The following BMPR1A variants were observed in gnomAD, a reference collection of about 807,000 sequenced individuals.
BMPR1A encodes bone morphogenetic protein receptor type-1A.
In BMPR1A, 7 loss-of-function variants were observed where a neutral mutation model predicts 66.0. That is an observed-to-expected ratio of 0.11 (90% CI 0.06 to 0.20). The LOEUF (loss-of-function observed/expected upper bound fraction) is 0.20. BMPR1A is among the 10% of genes least tolerant of loss of function. BMPR1A has a pLI of 1.00. For synonymous variants in BMPR1A, 200 were observed against 229.7 expected (o/e 0.87, Z 1.17); for missense variants, 408 against 669.1 (o/e 0.61, Z 4.31).
At chr10:86,815,845 A>G (rs964985645) in intron 1 of BMPR1A, among the ~76,000 whole-genome samples, 9 of 152,212 alleles carry the variant, frequency 5.9e-5, no homozygotes, top group Non-Finnish European at 1.2e-4. Context: ...AGATGGGATC[A>G]GGTGACTGAT....
intron 2 of BMPR1A, among the ~76,000 whole-genome samples, chr10:86,863,607 C>T (rs1237670944): frequency 6.6e-6 from 1 of 152,164 alleles, no homozygotes; most frequent in Non-Finnish European, 1.5e-5. Flanking sequence ...CTTTCAGTCT[C>T]CTGGCTCTGC....
intron 3 of BMPR1A, among the ~76,000 whole-genome samples, chr10:86,888,826 C>CAAA (rs11353145): frequency 4.6e-4 from 39 of 85,472 alleles, no homozygotes; most frequent in African/African-American, 1.4e-3. Flanking sequence ...GACCATGTCT[C>CAAA]AAAAAAAAAA....
intron 2 of BMPR1A, among the ~76,000 whole-genome samples, chr10:86,870,224 A>C (rs2133288157): frequency 6.6e-6 from 1 of 152,242 alleles, no homozygotes; most frequent in East Asian, 1.9e-4. Flanking sequence ...TGTGTCCTTT[A>C]AGTTTCAGAA....
At chr10:86,876,323 C>T (rs1437267658) in intron 3 of BMPR1A, among the ~76,000 whole-genome samples, 2 of 152,088 alleles carry the variant, frequency 1.3e-5, no homozygotes, top group African/African-American at 2.4e-5. Flanking sequence ...ACAACATAGG[C>T]GTAATGATAC....
At chr10:86,858,993 A>G (rs554949974) in intron 2 of BMPR1A, among the ~76,000 whole-genome samples, 14 of 152,376 alleles carry the variant, frequency 9.2e-5, no homozygotes, top group African/African-American at 3.4e-4. Context: ...GGACAAAGCT[A>G]GAGGCATCAC....
chr10:86,800,548 T>C (rs1460984317), intron 1 of BMPR1A, among the ~76,000 whole-genome samples: 2 of 152,248 alleles, frequency 1.3e-5, no homozygotes, highest in East Asian at 3.9e-4. Context: ...TCCGCCACCA[T>C]GCCCAGCTAA....
intron 2 of BMPR1A, among the ~76,000 whole-genome samples, chr10:86,849,168 C>T (rs1284038099): frequency 1.3e-5 from 2 of 152,228 alleles, no homozygotes; most frequent in African/African-American, 2.4e-5. Context: ...CCTGCCTACA[C>T]TTAATCATTC....
At chr10:86,889,350 C>T (rs1272132005) in intron 3 of BMPR1A, among the ~76,000 whole-genome samples, 1 of 152,228 alleles carries the variant, frequency 6.6e-6, no homozygotes, top group Non-Finnish European at 1.5e-5. Flanking sequence ...GGTCCCCATG[C>T]TCTCATGATT....
chr10:86,781,300 A>G (rs1030914264), intron 1 of BMPR1A, among the ~76,000 whole-genome samples: 12 of 152,070 alleles, frequency 7.9e-5, no homozygotes, highest in South Asian at 2.1e-4. Context: ...CTTTTTCCCA[A>G]TGAGTGTTTT....
chr10:86,868,779 T>G (rs1472472056), intron 2 of BMPR1A, among the ~76,000 whole-genome samples: 1 of 78,330 alleles, frequency 1.3e-5, no homozygotes, highest in Non-Finnish European at 2.4e-5. Context: ...TTTTCCTGTG[T>G]TTTTTTTTTT....
chr10:86,857,787 C>A (rs1842661987), intron 2 of BMPR1A, among the ~76,000 whole-genome samples: 1 of 149,904 alleles, frequency 6.7e-6, no homozygotes, highest in African/African-American at 2.5e-5. Context: ...AGCTGCAGTG[C>A]CTTTTAAGAC....
rs537496772 is a variant in BMPR1A at position 86,863,080 on chromosome 10, A to C, written c.-152-12787A>C. Among the ~76,000 whole-genome samples the C allele has an allele frequency of 2.6e-5, 4 of 151,986 alleles. No individual in the cohort carries two copies. The South Asian group carries it at 8.3e-4, about 32-fold the overall frequency. The stretch of plus-strand genomic sequence containing the variant: ...CTGCAACCTCTACCTCCCAGGTTCA[A>C]GCAGTTCTCCTACCTCGGCCTCAAG... On this transcript the variant is annotated intron_variant, in intron 2 of 12. Coordinates refer to ENST00000372037, the MANE Select transcript of BMPR1A (RefSeq NM_004329.3).
chr10:86,888,109 G>A (rs964936619), intron 3 of BMPR1A, among the ~76,000 whole-genome samples: 2 of 151,698 alleles, frequency 1.3e-5, no homozygotes, highest in Admixed American at 6.6e-5. Flanking sequence ...TGTGGGGGGC[G>A]CGGGGATGAG....
At chr10:86,881,109 T>G (rs1842979826) in intron 3 of BMPR1A, among the ~76,000 whole-genome samples, 1 of 151,478 alleles carries the variant, frequency 6.6e-6, no homozygotes. Flanking sequence ...ATTAGCTGAG[T>G]GTGGTGATGT....
At chr10:86,850,069 C>T (rs1215257301) in intron 2 of BMPR1A, among the ~76,000 whole-genome samples, 1 of 152,026 alleles carries the variant, frequency 6.6e-6, no homozygotes, top group Non-Finnish European at 1.5e-5. Flanking sequence ...GCCTGTAATC[C>T]CAGCACTTTG....
intron 1 of BMPR1A, among the ~76,000 whole-genome samples, chr10:86,793,176 G>A (rs769009476): frequency 7.7e-5 from 11 of 142,832 alleles, no homozygotes; most frequent in Non-Finnish European, 1.3e-4. Flanking sequence ...TTTATGTTTC[G>A]GAATTTCAGG....
chr10:86,833,574 T>C (rs1842302859), intron 1 of BMPR1A, among the ~76,000 whole-genome samples: 1 of 152,180 alleles, frequency 6.6e-6, no homozygotes, highest in African/African-American at 2.4e-5. Flanking sequence ...TGGCTAACGG[T>C]GCTGCCATTA....
intron 2 of BMPR1A, among the ~76,000 whole-genome samples, chr10:86,842,390 C>T (rs1842436503): frequency 6.6e-6 from 1 of 151,976 alleles, no homozygotes; most frequent in South Asian, 2.1e-4. Flanking sequence ...TCATGCAGAG[C>T]CCAGAGCGGG....
chr10:86,879,885 C>T (rs188145773), intron 3 of BMPR1A, among the ~76,000 whole-genome samples: 105 of 152,356 alleles, frequency 6.9e-4, no homozygotes, highest in Non-Finnish European at 1.3e-3. Flanking sequence ...GTATTCACTG[C>T]TCCATAGCAT....
Sources: gnomAD v4.1 joint callset for allele counts (sites outside exome capture counted in the v4.1 genomes callset) on GRCh38, gnomAD v4.1.1 for gene constraint, MANE v1.5 for transcripts, NCBI Gene and HGNC (gene_info 2026-07-23, HGNC 2026-07-21) for gene names.